RBM6: variants seen among roughly 807,000 people sequenced by gnomAD.
The protein encoded by RBM6 is RNA-binding protein 6.
RBM6 carries 23 observed loss-of-function variants against 140.4 expected under a neutral mutation model. The observed-to-expected ratio is 0.16, with a 90% CI of 0.12 to 0.23. The LOEUF is 0.23. Ranked by LOEUF, RBM6 falls within the 10% of genes least tolerant of loss-of-function variation. The pLI, the probability that RBM6 is intolerant of heterozygous loss-of-function variation, is 1.00. For missense variants in RBM6, 1,139 were observed against 1,386.7 expected (o/e 0.82, Z 2.84); for synonymous variants, 439 against 475.6 (o/e 0.92, Z 1.00).
chr3:49,950,208 G>T (rs1180239065), intron 1 of RBM6, among the ~76,000 whole-genome samples: 1 of 152,096 alleles, frequency 6.6e-6, no homozygotes, highest in African/African-American at 2.4e-5. Flanking sequence ...TTAGCTGAAT[G>T]TCCTGTGTAG....
At position 50,005,359 on chromosome 3, in the gene RBM6, G is replaced by A. The variant is rs190619709; in HGVS notation, c.1557+5846G>A. On this transcript the variant is annotated intron_variant, in intron 6 of 20. Transcript: ENST00000266022. ...AAACATTGTTAAAAATTAGCTGGGT[G>A]TAGTGGCACATGCCTATTGTCCCAG... 5.2e-4 allele frequency among the ~76,000 whole-genome samples: 79 copies of A among 152,172 alleles called. No homozygotes were observed. The Middle Eastern group carries it at 0.01, about 20-fold the overall frequency.
intron 1 of RBM6, among the ~76,000 whole-genome samples, chr3:49,949,018 A>G (rs1365557837): frequency 6.7e-6 from 1 of 149,550 alleles, no homozygotes; most frequent in Non-Finnish European, 1.5e-5. Context: ...TTTAGTAGAG[A>G]TGGAGTTTCA....
chr3:50,027,192 T>G (rs1052356294), intron 6 of RBM6, among the ~76,000 whole-genome samples: 1 of 152,044 alleles, frequency 6.6e-6, no homozygotes, highest in Non-Finnish European at 1.5e-5. Flanking sequence ...ACTTAGAGGC[T>G]TGGGGTAGGA....
intron 1 of RBM6, among the ~76,000 whole-genome samples, chr3:49,955,463 T>C (rs2108597077): frequency 6.6e-6 from 1 of 152,064 alleles, no homozygotes; most frequent in South Asian, 2.1e-4. Flanking sequence ...AGTGGCATGA[T>C]CTTGGCTCAC....
chr3:49,961,164 G>A (rs930271071), intron 1 of RBM6, among the ~76,000 whole-genome samples: 6 of 151,886 alleles, frequency 4.0e-5, no homozygotes, highest in Non-Finnish European at 8.8e-5. Flanking sequence ...TGTAGCCTCC[G>A]CCTCCCGGTT....
chr3:50,028,386 C>G lies in RBM6; in HGVS notation c.1558-19859C>G, dbSNP rs1248420149. 2.0e-5 allele frequency among the ~76,000 whole-genome samples: 3 copies of G among 152,140 alleles called. No homozygotes were observed. The East Asian group carries it at 5.8e-4, about 29-fold the overall frequency. On this transcript the variant is annotated intron_variant, in intron 6 of 20. Coordinates refer to ENST00000266022, the MANE Select transcript of RBM6 (RefSeq NM_005777.3). Reference sequence around the variant, plus strand: ...AGCAATGCAGGATATGTTGGGTTTTCTACAAACAGAGCATCAGCCCAGAGA... The same window carrying G: ...AGCAATGCAGGATATGTTGGGTTTTGTACAAACAGAGCATCAGCCCAGAGA...
intron 1 of RBM6, among the ~76,000 whole-genome samples, chr3:49,961,036 C>T (rs1227917209): frequency 2.6e-5 from 4 of 151,668 alleles, no homozygotes; most frequent in African/African-American, 9.7e-5. Context: ...TTCAGCCTTC[C>T]AAGAAGCTGA....
At chr3:49,997,204 T>G (rs1986599) in intron 5 of RBM6, among the ~76,000 whole-genome samples, 11,963 of 152,188 alleles carry the variant, frequency 0.079, 656 homozygotes, top group Non-Finnish European at 0.12. Flanking sequence ...AGTTAAACCT[T>G]AAATTTCTGT....
chr3:50,007,781 C>T (rs2086657143), intron 6 of RBM6, among the ~76,000 whole-genome samples: 1 of 152,152 alleles, frequency 6.6e-6, no homozygotes, highest in Non-Finnish European at 1.5e-5. Context: ...GATCCACCCG[C>T]CTCGGCCTCC....
At chr3:50,005,897 A>T (rs986226390) in intron 6 of RBM6, among the ~76,000 whole-genome samples, 1 of 152,206 alleles carries the variant, frequency 6.6e-6, no homozygotes, top group Non-Finnish European at 1.5e-5. Context: ...AAATGAGTGT[A>T]TAGGTTCATA....
At chr3:50,061,823 T>C in intron 14 of RBM6, 139 bp from the exon 15 acceptor site, 1 of 1,306,376 alleles carries the variant, frequency 7.7e-7, no homozygotes, top group South Asian at 1.6e-5. Flanking sequence ...AGTGGGTTTT[T>C]AGATTGATGT....
chr3:50,033,173 G>A (rs2088284291), intron 6 of RBM6, among the ~76,000 whole-genome samples: 1 of 150,984 alleles, frequency 6.6e-6, no homozygotes, highest in Non-Finnish European at 1.5e-5. Flanking sequence ...GGTGCATACC[G>A]GTAATCCCAG....
In RBM6 at chr3:49,968,120, A is replaced by G. The variant is rs772809802; in HGVS notation, c.695A>G (p.Gln232Arg). ...GACTTTAGAGACAAAGACGGAACAC[A>G]AGTAGACTTTAGAGGCCGAGGTTCA... ...DLDFRDKDGT[Q>R]VDFRGRGSGT... Residue 232 changes from glutamine (Q) to arginine (R), a missense_variant, in exon 3 of 21, where the codon CAA becomes CGA. Physicochemically the swap from Gln to Arg is conservative, Grantham distance 43 (BLOSUM62 1). Transcript: ENST00000266022. 2.5e-6 allele frequency: 4 copies of G among 1,614,092 alleles called. No homozygotes were observed. The highest frequency in any genetic ancestry group is 1.7e-6 in the Non-Finnish European group (2 of 1,180,044).
At chr3:49,945,881 C>CAAA (rs67271820) in intron 1 of RBM6, among the ~76,000 whole-genome samples, 591 of 59,584 alleles carry the variant, frequency 9.9e-3, no homozygotes, top group East Asian at 0.019. Flanking sequence ...GACTCCATCT[C>CAAA]AAAAAAAAAA....
At chr3:49,950,255 T>C (rs1385556464) in intron 1 of RBM6, among the ~76,000 whole-genome samples, 1 of 152,092 alleles carries the variant, frequency 6.6e-6, no homozygotes, top group African/African-American at 2.4e-5. Flanking sequence ...TTAAGAGTGT[T>C]TAAAGCAGGA....
intron 5 of RBM6, among the ~76,000 whole-genome samples, chr3:49,996,287 A>G (rs1262538466): frequency 6.6e-6 from 1 of 152,186 alleles, no homozygotes; most frequent in Admixed American, 6.5e-5. Flanking sequence ...AAAACTGGCA[A>G]TGTTGGACTT....
chr3:49,984,344 C>T (rs1017271470), intron 5 of RBM6, among the ~76,000 whole-genome samples: 5 of 152,116 alleles, frequency 3.3e-5, no homozygotes, highest in Admixed American at 6.6e-5. Context: ...TGGTAGCTCA[C>T]GCCTATAATC....
chr3:50,061,844 T>TA (rs1420759564), intron 14 of RBM6, 118 bp from the exon 15 acceptor site: 2 of 1,369,724 alleles, frequency 1.5e-6, no homozygotes, highest in Admixed American at 2.7e-5. Flanking sequence ...GGACTCTTCT[T>TA]AGACTTGTAA....
intron 6 of RBM6, among the ~76,000 whole-genome samples, chr3:50,030,339 GC>G (rs1196729588): frequency 1.4e-5 from 2 of 144,242 alleles, no homozygotes; most frequent in Non-Finnish European, 3.0e-5. Flanking sequence ...CAGATACAAA[GC>G]ATGTAGAAGA....
Sources: allele counts gnomAD v4.1 joint callset (sites outside exome capture counted in the v4.1 genomes callset), GRCh38; gene constraint gnomAD v4.1.1; transcripts MANE v1.5; gene names NCBI Gene and HGNC (gene_info 2026-07-23, HGNC 2026-07-21).